MYRIP: variants seen among roughly 807,000 people sequenced by gnomAD.
MYRIP encodes rab effector MyRIP.
In MYRIP, 49 loss-of-function variants were observed where a neutral mutation model predicts 98.0. That is an observed-to-expected ratio of 0.50 (90% CI 0.40 to 0.63). The LOEUF is 0.63. MYRIP is among the 30% of genes least tolerant of loss of function. The pLI is 0.00. For synonymous variants in MYRIP, 404 were observed against 409.5 expected, an observed-to-expected ratio of 0.99 and a Z score of 0.16; for missense variants, 1,004 against 1,058.2, an observed-to-expected ratio of 0.95 and a Z score of 0.71.
chr3:39,989,565 T>TG (rs1946118337), intron 2 of MYRIP, among the ~76,000 whole-genome samples: 1 of 152,208 alleles, frequency 6.6e-6, no homozygotes, highest in Non-Finnish European at 1.5e-5. Flanking sequence ...CGTGCTTCAC[T>TG]GGGGGGAAAC....
chr3:40,119,734 C>T (rs1212533413), intron 3 of MYRIP, among the ~76,000 whole-genome samples: 2 of 151,138 alleles, frequency 1.3e-5, no homozygotes, highest in East Asian at 3.9e-4. Context: ...CACCTGGACA[C>T]AGGAAGGGGA....
At chr3:39,979,596 C>T (rs1945835920) in intron 2 of MYRIP, among the ~76,000 whole-genome samples, 1 of 151,090 alleles carries the variant, frequency 6.6e-6, no homozygotes, top group South Asian at 2.1e-4. Flanking sequence ...CAAGATCGCA[C>T]CATTGCACTC....
intron 10 of MYRIP, among the ~76,000 whole-genome samples, chr3:40,201,042 T>C (rs1423724458): frequency 6.6e-6 from 1 of 152,254 alleles, no homozygotes; most frequent in Non-Finnish European, 1.5e-5. Context: ...TGTGTCTTAA[T>C]TATGCCTAAT....
chr3:40,074,729 A>G (rs1043795091), intron 3 of MYRIP, among the ~76,000 whole-genome samples: 2 of 152,150 alleles, frequency 1.3e-5, no homozygotes, highest in Non-Finnish European at 2.9e-5. Flanking sequence ...TACATCTGAT[A>G]AAGGAGCTAT....
At chr3:39,888,434 T>C (rs554315527) in intron 1 of MYRIP, among the ~76,000 whole-genome samples, 1 of 152,112 alleles carries the variant, frequency 6.6e-6, no homozygotes, top group South Asian at 2.1e-4. Context: ...GGGGAAAGGA[T>C]TCCCTATTTA....
At chr3:39,823,414 T>C (rs1403234676) in intron 1 of MYRIP, among the ~76,000 whole-genome samples, 1 of 152,222 alleles carries the variant, frequency 6.6e-6, no homozygotes, top group Non-Finnish European at 1.5e-5. Context: ...TTGTAGCTTT[T>C]TGAGGAACCT....
chr3:40,078,378 T>C (rs1575519580), intron 3 of MYRIP, among the ~76,000 whole-genome samples: 1 of 152,110 alleles, frequency 6.6e-6, no homozygotes, highest in South Asian at 2.1e-4. Context: ...AGTGCAGCGG[T>C]GGGCTGAAGG....
chr3:40,216,638 T>C (rs1952128727), intron 11 of MYRIP, among the ~76,000 whole-genome samples: 1 of 152,204 alleles, frequency 6.6e-6, no homozygotes, highest in Non-Finnish European at 1.5e-5. Flanking sequence ...TAGTAAGTAC[T>C]ATTTTTTAAA....
rs565223134 is a variant in MYRIP at position 39,816,227 on chromosome 3, G to A, written c.-31+6311G>A. On this transcript the variant is annotated intron_variant, in intron 1 of 16. Coordinates refer to ENST00000302541, the MANE Select transcript of MYRIP (RefSeq NM_015460.4). The stretch of plus-strand genomic sequence containing the variant: ...CTCCTGAGTAGCTGGGACTACAGGC[G>A]CCGGCCACCACGCCCAGCTAAATTT... Among the ~76,000 whole-genome samples the A allele has an allele frequency of 3.9e-5, 6 of 152,038 alleles. No homozygotes were observed. In the Middle Eastern group the frequency reaches 0.01, roughly 259 times the overall value.
At chr3:40,156,953 G>T (rs1465285332) in intron 4 of MYRIP, among the ~76,000 whole-genome samples, 1 of 152,136 alleles carries the variant, frequency 6.6e-6, no homozygotes, top group Non-Finnish European at 1.5e-5. Flanking sequence ...GGGACAATTT[G>T]ACTTCCTCTT....
intron 2 of MYRIP, among the ~76,000 whole-genome samples, chr3:39,993,735 G>A (rs1212292203): frequency 1.3e-5 from 2 of 152,126 alleles, no homozygotes; most frequent in East Asian, 1.9e-4. Context: ...TTCCCCCTTC[G>A]AAGCAGATAA....
intron 2 of MYRIP, among the ~76,000 whole-genome samples, chr3:39,932,113 T>C (rs553485035): frequency 6.6e-6 from 1 of 152,274 alleles, no homozygotes; most frequent in Admixed American, 6.5e-5. Flanking sequence ...CCCATGCTGG[T>C]CCTCATTAGC....
At chr3:40,158,033 G>A (rs533670932) in intron 4 of MYRIP, among the ~76,000 whole-genome samples, 1 of 152,018 alleles carries the variant, frequency 6.6e-6, no homozygotes, top group Non-Finnish European at 1.5e-5. Flanking sequence ...CTTGCCTTCT[G>A]CTAGCTTTTG....
chr3:40,132,388 G>T (rs891093983), intron 3 of MYRIP, among the ~76,000 whole-genome samples: 1 of 151,014 alleles, frequency 6.6e-6, no homozygotes, highest in Non-Finnish European at 1.5e-5. Flanking sequence ...GCCTGTAGCT[G>T]TGAAACAAAA....
chr3:40,095,610 G>T (rs536438750), intron 3 of MYRIP, among the ~76,000 whole-genome samples: 1 of 152,172 alleles, frequency 6.6e-6, no homozygotes, highest in South Asian at 2.1e-4. Context: ...TGAGAAATGC[G>T]TGGGCAGGGG....
chr3:40,004,654 C>A (rs1946593343), intron 2 of MYRIP, among the ~76,000 whole-genome samples: 1 of 152,058 alleles, frequency 6.6e-6, no homozygotes, highest in Admixed American at 6.5e-5. Flanking sequence ...TTCTGAGTCC[C>A]CAAAGTCCAC....
At chr3:40,054,048 T>C (rs1947839295) in intron 3 of MYRIP, among the ~76,000 whole-genome samples, 1 of 152,140 alleles carries the variant, frequency 6.6e-6, no homozygotes, top group South Asian at 2.1e-4. Flanking sequence ...TAAGTTCATC[T>C]TACCTGAGGC....
chr3:40,160,312 CA>C (rs1416517856), intron 4 of MYRIP, among the ~76,000 whole-genome samples: 3 of 152,368 alleles, frequency 2.0e-5, no homozygotes, highest in Non-Finnish European at 2.9e-5. Context: ...GCTCGGGGAT[CA>C]GGGGTCAGGG....
chr3:39,854,697 T>TG (rs1942235190), intron 1 of MYRIP, among the ~76,000 whole-genome samples: 1 of 152,208 alleles, frequency 6.6e-6, no homozygotes, highest in Non-Finnish European at 1.5e-5. Context: ...TGTGATCTTT[T>TG]GGGGTGTTAC....
Sources: gnomAD v4.1 joint callset for allele counts (sites outside exome capture counted in the v4.1 genomes callset) on GRCh38, gnomAD v4.1.1 for gene constraint, MANE v1.5 for transcripts, NCBI Gene and HGNC (gene_info 2026-07-23, HGNC 2026-07-21) for gene names.